WDR19: variants seen among roughly 807,000 people sequenced by gnomAD.
WDR19 encodes WD repeat-containing protein 19.
WDR19 carries 121 observed loss-of-function variants against 180.0 expected under a neutral mutation model. The observed-to-expected ratio is 0.67, with a 90% CI of 0.58 to 0.78. The LOEUF is 0.78. Among genes scored for constraint, WDR19 ranks in the 30% least tolerant of loss-of-function variants. The pLI, the probability that WDR19 is intolerant of heterozygous loss-of-function variation, is 0.00. For synonymous variants in WDR19, 497 were observed against 540.7 expected, an observed-to-expected ratio of 0.92 and a Z score of 1.12; for missense variants, 1,450 against 1,640.7, an observed-to-expected ratio of 0.88 and a Z score of 2.01.
intron 9 of WDR19, among the ~76,000 whole-genome samples, chr4:39,214,389 A>G (rs551343400): frequency 2.6e-5 from 4 of 152,256 alleles, no homozygotes; most frequent in African/African-American, 9.6e-5. Flanking sequence ...TGCACACAGT[A>G]AGCAAACAAA....
At chr4:39,231,986 T>G in intron 18 of WDR19, 30 bp downstream of exon 18, 1 of 1,596,054 alleles carries the variant, frequency 6.3e-7, no homozygotes, top group Non-Finnish European at 8.6e-7. Context: ...ATTATCAAGT[T>G]AAAATTTAAA....
rs1731201284 is a variant in WDR19, at chr4:39,234,689, A to AT, written c.2254-75dup. 2.8e-5 allele frequency: 25 copies of AT among 885,990 alleles called. No homozygotes were observed. The South Asian group carries it at 3.6e-4, about 13-fold the overall frequency. The allele number at this position is 885,990 out of a possible 1,614,324, so 54.9% of individuals were successfully genotyped here. A position where few individuals can be genotyped will look rare whatever the true frequency, so the allele number is the denominator to read the frequency against. The stretch of plus-strand genomic sequence containing the variant: ...ACAAAAAGGTTTTGTAATTAGTTTT[A>AT]TTAAAACTAGCTCTTTGTGGTAACT... On this transcript the variant is annotated intron_variant, in intron 19 of 36. Coordinates refer to ENST00000399820, the MANE Select transcript of WDR19 (RefSeq NM_025132.4).
At chr4:39,279,859 C>T (rs1437017186) in intron 36 of WDR19, among the ~76,000 whole-genome samples, 2 of 151,930 alleles carry the variant, frequency 1.3e-5, no homozygotes, top group South Asian at 2.1e-4. Context: ...TGTGCCACCA[C>T]GCTCGGCTAA....
At chr4:39,249,781 C>T (rs1301984540) in intron 24 of WDR19, among the ~76,000 whole-genome samples, 1 of 152,084 alleles carries the variant, frequency 6.6e-6, no homozygotes, top group African/African-American at 2.4e-5. Context: ...TACACTCCCC[C>T]AAGACTAAAT....
intron 21 of WDR19, among the ~76,000 whole-genome samples, chr4:39,240,707 T>A (rs1731847066): frequency 6.6e-6 from 1 of 152,116 alleles, no homozygotes; most frequent in Admixed American, 6.6e-5. Flanking sequence ...ATCCTAGCAC[T>A]TTGGGAGGCC....
intron 7 of WDR19, among the ~76,000 whole-genome samples, chr4:39,204,907 G>A (rs1727788104): frequency 6.6e-6 from 1 of 152,118 alleles, no homozygotes; most frequent in Non-Finnish European, 1.5e-5. Flanking sequence ...AAATTTAAAT[G>A]GACACTCCAC....
chr4:39,273,087 ACCCATGC>A (rs751155919), intron 32 of WDR19, 26 bp downstream of exon 32: 19 of 1,566,392 alleles, frequency 1.2e-5, no homozygotes, highest in Admixed American at 1.8e-5. Flanking sequence ...CAGAGCTCTC[ACCCATGC>A]CCCATGCCCC....
intron 31 of WDR19, among the ~76,000 whole-genome samples, chr4:39,272,526 G>A (rs995945415): frequency 5.9e-5 from 9 of 152,148 alleles, no homozygotes; most frequent in African/African-American, 1.9e-4. Context: ...CGCACCCCTC[G>A]ATGTGTCACT....
chr4:39,197,374 T>C (rs180981522), intron 5 of WDR19, among the ~76,000 whole-genome samples: 31 of 144,188 alleles, frequency 2.1e-4, no homozygotes, highest in Admixed American at 1.1e-3. Context: ...TGCAGTGAGC[T>C]GAGATTACAC....
chr4:39,231,640 T>C (rs567278974), intron 17 of WDR19, among the ~76,000 whole-genome samples, 157 bp from the exon 18 acceptor site: 1 of 152,312 alleles, frequency 6.6e-6, no homozygotes, highest in South Asian at 2.1e-4. Context: ...GGAAGAAAGC[T>C]TAAGTGTTTT....
At chr4:39,269,867 GA>G in intron 30 of WDR19, 108 bp from the exon 31 acceptor site, 1 of 1,363,992 alleles carries the variant, frequency 7.3e-7, no homozygotes, top group South Asian at 1.4e-5. Context: ...ACATTATTAA[GA>G]GATTACTAAT....
intron 32 of WDR19, 59 bp from the exon 33 acceptor site, chr4:39,274,749 C>T: frequency 6.3e-7 from 1 of 1,579,884 alleles, no homozygotes; most frequent in Non-Finnish European, 8.6e-7. Context: ...GGAATCCCGC[C>T]TGTATCACTG....
intron 5 of WDR19, among the ~76,000 whole-genome samples, chr4:39,195,866 C>T (rs1184147634): frequency 2.6e-5 from 4 of 152,162 alleles, no homozygotes; most frequent in Admixed American, 1.3e-4. Flanking sequence ...TATAGCTAAA[C>T]ATTAATGTCA....
At chr4:39,217,289 G>A (rs1419767721) in intron 13 of WDR19, 49 bp downstream of exon 13, 8 of 1,375,180 alleles carry the variant, frequency 5.8e-6, no homozygotes, top group Non-Finnish European at 8.1e-6. Context: ...ATAATGAACA[G>A]CCTAATGTCT....
intron 9 of WDR19, among the ~76,000 whole-genome samples, chr4:39,209,159 T>C (rs1172170822): frequency 6.6e-6 from 1 of 152,176 alleles, no homozygotes; most frequent in East Asian, 1.9e-4. Flanking sequence ...AAATATGTTC[T>C]CTGACCATAA....
In WDR19 at chr4:39,274,840, G is replaced by A. The variant is rs1401677853; in HGVS notation, c.3598G>A (p.Glu1200Lys). 6.2e-7 allele frequency: 1 copy of A among 1,613,982 alleles called. No individual in the cohort carries two copies. The highest frequency in any genetic ancestry group is 8.5e-7 in the Non-Finnish European group (1 of 1,179,864). Residue 1200 changes from glutamate (E) to lysine (K), a missense_variant, in exon 33 of 37, where the codon GAG becomes AAG. Glu to Lys is a moderately conservative substitution (Grantham distance 56). Transcript: ENST00000399820. ...ACCCATCCTGACGTCAACTGTGATT[G>A]AGTGTCACAGGGCAGGCCTGAAGAA... ...IVPILTSTVIECHRAGLKNSA... is the reference protein window; with the variant it reads ...IVPILTSTVIKCHRAGLKNSA...
Position 39,229,723 on chromosome 4 carries a change from A to T in WDR19, c.1982+1033A>T, listed in dbSNP as rs139468274. ...TCTCCTCTGCTTAACATGGCTCAACATACCACCCATATGAAGCTGACTCTA... is the reference window on the plus strand; with the variant it reads ...TCTCCTCTGCTTAACATGGCTCAACTTACCACCCATATGAAGCTGACTCTA... On this transcript the variant is annotated intron_variant, in intron 17 of 36. Transcript: ENST00000399820. Among the ~76,000 whole-genome samples, 73 of 152,204 alleles carry T rather than the reference A, an allele frequency of 4.8e-4. No homozygotes were observed. In the East Asian group the frequency reaches 8.5e-3, roughly 18 times the overall value.
At chr4:39,256,397 G>A (rs1164523116) in intron 27 of WDR19, among the ~76,000 whole-genome samples, 1 of 152,198 alleles carries the variant, frequency 6.6e-6, no homozygotes, top group Non-Finnish European at 1.5e-5. Context: ...GGGTAAAGCT[G>A]CGCTTTGTTC....
rs549614460 is a variant in WDR19, at chr4:39,223,684, A to G, written c.1480-1200A>G. ...AAACAGGAAAAAGAATCAGTTGAAC[A>G]TATCTGTCTCTATTTCAGGCTTCCA... On this transcript the variant is annotated intron_variant, in intron 14 of 36. Coordinates refer to ENST00000399820, the MANE Select transcript of WDR19 (RefSeq NM_025132.4). Among the ~76,000 whole-genome samples, 9 of 152,292 alleles carry G rather than the reference A, an allele frequency of 5.9e-5. No individual in the cohort carries two copies. The South Asian group carries it at 1.7e-3, about 28-fold the overall frequency.
Sources: gnomAD v4.1 joint callset for allele counts (sites outside exome capture counted in the v4.1 genomes callset) on GRCh38, gnomAD v4.1.1 for gene constraint, MANE v1.5 for transcripts, NCBI Gene and HGNC (gene_info 2026-07-23, HGNC 2026-07-21) for gene names.